The following CTNNA2 variants were observed in gnomAD, a reference collection of about 807,000 sequenced individuals.
CTNNA2 encodes the protein catenin alpha-2.
A neutral mutation model predicts 101.0 loss-of-function variants in CTNNA2; 42 were observed. The ratio of observed to expected loss-of-function variants is 0.42; its 90% confidence interval spans 0.32 to 0.54. CTNNA2 has a LOEUF of 0.54. Among genes scored for constraint, CTNNA2 ranks in the 20% least tolerant of loss-of-function variants. The pLI is 0.14. For missense variants in CTNNA2, 871 were observed against 1,223.1 expected (o/e 0.71, Z 4.29); for synonymous variants, 450 against 456.4 (o/e 0.99, Z 0.18).
chr2:79,887,641 T>G (rs1053024416), intron 6 of CTNNA2, among the ~76,000 whole-genome samples: 2 of 152,162 alleles, frequency 1.3e-5, no homozygotes, highest in Non-Finnish European at 2.9e-5. Flanking sequence ...TTAATTGGGC[T>G]CCTACTATGT....
At chr2:79,956,387 G>A (rs994486744) in intron 7 of CTNNA2, among the ~76,000 whole-genome samples, 5 of 152,046 alleles carry the variant, frequency 3.3e-5, no homozygotes, top group African/African-American at 7.2e-5. Flanking sequence ...CAATATTTAC[G>A]TTTAAAGAAA....
At chr2:79,484,553 T>G (rs1220768268) in intron 4 of CTNNA2, among the ~76,000 whole-genome samples, 1 of 152,182 alleles carries the variant, frequency 6.6e-6, no homozygotes, top group Non-Finnish European at 1.5e-5. Context: ...ACATGGTTGG[T>G]CTTTCTCTAA....
At chr2:80,284,323 A>G (rs1489023365) in intron 7 of CTNNA2, among the ~76,000 whole-genome samples, 1 of 152,168 alleles carries the variant, frequency 6.6e-6, no homozygotes, top group Non-Finnish European at 1.5e-5. Context: ...ATTTTAAAGT[A>G]GTCAGTAAAG....
At chr2:79,242,006 C>T (rs547816137) in intron 2 of CTNNA2, among the ~76,000 whole-genome samples, 2 of 151,848 alleles carry the variant, frequency 1.3e-5, no homozygotes, top group Non-Finnish European at 2.9e-5. Flanking sequence ...CCTGGGTTCA[C>T]GCCATTCTCC....
chr2:80,063,798 T>C (rs1697777631), intron 7 of CTNNA2, among the ~76,000 whole-genome samples: 1 of 152,234 alleles, frequency 6.6e-6, no homozygotes, highest in South Asian at 2.1e-4. Flanking sequence ...TTGTAACACC[T>C]GCTGTTTCCA....
chr2:80,288,243 A>G (rs1275562747), intron 7 of CTNNA2: 2 of 152,188 alleles, frequency 1.3e-5, no homozygotes, highest in African/African-American at 2.4e-5. Context: ...CTGTTAGAAA[A>G]TTGCTTTGGG....
intron 2 of CTNNA2, among the ~76,000 whole-genome samples, chr2:79,703,036 A>G (rs1487637532): frequency 1.3e-5 from 2 of 152,202 alleles, no homozygotes; most frequent in Non-Finnish European, 2.9e-5. Flanking sequence ...CACTGATGAA[A>G]TAAACACAGG....
intron 3 of CTNNA2, among the ~76,000 whole-genome samples, chr2:79,746,268 T>C (rs1340014328): frequency 6.6e-6 from 1 of 152,228 alleles, no homozygotes; most frequent in Non-Finnish European, 1.5e-5. Flanking sequence ...TTGTTGCTGT[T>C]GTTAAGTTAT....
At chr2:79,867,059 T>C (rs987724450) in intron 4 of CTNNA2, among the ~76,000 whole-genome samples, 1 of 152,094 alleles carries the variant, frequency 6.6e-6, no homozygotes, top group Non-Finnish European at 1.5e-5. Context: ...TTGGTTAAAG[T>C]GTCCCAGGGT....
At chr2:80,395,767 G>C (rs1389371252) in intron 8 of CTNNA2, among the ~76,000 whole-genome samples, 1 of 152,178 alleles carries the variant, frequency 6.6e-6, no homozygotes, top group Non-Finnish European at 1.5e-5. Flanking sequence ...GTATGCTAGA[G>C]CAGATTCTAA....
chr2:80,200,596 C>T (rs1421928304), intron 7 of CTNNA2, among the ~76,000 whole-genome samples: 1 of 151,992 alleles, frequency 6.6e-6, no homozygotes, highest in Non-Finnish European at 1.5e-5. Flanking sequence ...AGTGCAATGG[C>T]GTGATCCCGG....
Position 80,223,418 on chromosome 2 carries a change from G to T in CTNNA2, c.1057-169793G>T, listed in dbSNP as rs190334430. Among the ~76,000 whole-genome samples, 778 of 152,300 alleles carry T rather than the reference G, an allele frequency of 5.1e-3. 10 individuals carry two copies. Among genetic ancestry groups the T allele is most frequent in the Non-Finnish European group, 6.0e-3 (410 of 68,030 alleles). ...GCCTCCCGAGTGGCTGGGATTATAG[G>T]CATGAGCCACCATGCCCAGCTAATT... On this transcript the variant is annotated intron_variant, in intron 7 of 18. Coordinates refer to ENST00000402739, the MANE Select transcript of CTNNA2 (RefSeq NM_001282597.3).
chr2:80,141,327 C>T (rs775491138), intron 7 of CTNNA2, among the ~76,000 whole-genome samples: 4 of 151,706 alleles, frequency 2.6e-5, no homozygotes, highest in Non-Finnish European at 4.4e-5. Context: ...TTTTTTGAGC[C>T]CTCTTATATT....
intron 4 of CTNNA2, among the ~76,000 whole-genome samples, chr2:79,379,976 A>G (rs1678020970): frequency 6.6e-6 from 1 of 152,062 alleles, no homozygotes; most frequent in Non-Finnish European, 1.5e-5. Context: ...GGTCCCCAGA[A>G]CCCCCATAGT....
intron 3 of CTNNA2, among the ~76,000 whole-genome samples, chr2:79,824,488 G>A (rs914266034): frequency 9.1e-6 from 1 of 109,556 alleles, no homozygotes; most frequent in African/African-American, 4.8e-5. Context: ...TTTCCCAGTT[G>A]TCTTTCCAGG....
At chr2:80,333,680 C>T (rs548614497) in intron 7 of CTNNA2, among the ~76,000 whole-genome samples, 1 of 152,232 alleles carries the variant, frequency 6.6e-6, no homozygotes, top group African/African-American at 2.4e-5. Flanking sequence ...GTCCCACAGG[C>T]AGTAGCGTGA....
At chr2:79,538,522 A>T (rs1317506584) in intron 1 of CTNNA2, among the ~76,000 whole-genome samples, 1 of 152,170 alleles carries the variant, frequency 6.6e-6, no homozygotes, top group Non-Finnish European at 1.5e-5. Flanking sequence ...GACATGTTGG[A>T]TGGGGTGAAT....
intron 7 of CTNNA2, among the ~76,000 whole-genome samples, chr2:80,232,238 G>A (rs760508396): frequency 2.4e-4 from 36 of 151,684 alleles, no homozygotes; most frequent in Non-Finnish European, 3.8e-4. Flanking sequence ...CATGTTCCCA[G>A]GACCTCCTGA....
At chr2:79,982,192 C>CCATATA (rs1342309215) in intron 7 of CTNNA2, among the ~76,000 whole-genome samples, 15 of 75,074 alleles carry the variant, frequency 2.0e-4, no homozygotes, top group Non-Finnish European at 3.2e-4. Context: ...GCATGTGCCA[C>CCATATA]TATATATATA....
Sources: allele counts gnomAD v4.1 joint callset (sites outside exome capture counted in the v4.1 genomes callset), GRCh38; gene constraint gnomAD v4.1.1; transcripts MANE v1.5; gene names NCBI Gene and HGNC (gene_info 2026-07-23, HGNC 2026-07-21).